GPRASP3: variants seen among roughly 807,000 people sequenced by gnomAD.
GPRASP3 encodes G protein-coupled receptor associated sorting protein 3.
the GPRASP3 span, among the ~76,000 whole-genome samples, chrX:102,744,807 A>G: frequency 9.0e-6 from 1 of 111,278 alleles, no homozygotes; most frequent in Non-Finnish European, 1.9e-5. Flanking sequence ...TTGATCTGCA[A>G]ACCACAGAGG....
At chrX:102,728,655 G>A in the GPRASP3 span, among the ~76,000 whole-genome samples, 2 of 100,221 alleles carry the variant, frequency 2.0e-5, no homozygotes, top group Non-Finnish European at 4.0e-5. Context: ...GGACTTAAGC[G>A]ATCCTCCCAC....
the GPRASP3 span, among the ~76,000 whole-genome samples, chrX:102,731,790 G>A: frequency 9.0e-6 from 1 of 111,306 alleles, no homozygotes; most frequent in African/African-American, 3.3e-5. Flanking sequence ...TGGGCTGCCC[G>A]CATGCAAGGT....
the GPRASP3 span, among the ~76,000 whole-genome samples, chrX:102,727,312 C>A: frequency 8.9e-6 from 1 of 112,109 alleles, no homozygotes; most frequent in Non-Finnish European, 1.9e-5. Context: ...AGGTAAGCAA[C>A]TTCCTGAGGA....
At chrX:102,738,175 C>G in the GPRASP3 span, among the ~76,000 whole-genome samples, 3 of 111,980 alleles carry the variant, frequency 2.7e-5, no homozygotes, top group Non-Finnish European at 5.6e-5. Context: ...GGAATGCATC[C>G]AAGGGGCAAG....
chrX:102,749,095 G>A, the GPRASP3 span: 1 of 1,212,151 alleles, frequency 8.2e-7, no homozygotes, highest in East Asian at 3.0e-5. Flanking sequence ...TACTGGTGTT[G>A]TTAGGCCTGT....
At chrX:102,751,659 C>T in the GPRASP3 span, 1 of 123,133 alleles carries the variant, frequency 8.1e-6, no homozygotes, top group Non-Finnish European at 1.9e-5. Flanking sequence ...TTAACTTCCT[C>T]CAAATTCGTG....
At chrX:102,751,728 T>C in the GPRASP3 span, 1 of 123,198 alleles carries the variant, frequency 8.1e-6, no homozygotes, top group Non-Finnish European at 1.9e-5. Flanking sequence ...CTGAGGTAAA[T>C]AGATGGATTT....
At chrX:102,746,773 A>C in the GPRASP3 span, among the ~76,000 whole-genome samples, 1 of 113,083 alleles carries the variant, frequency 8.8e-6, no homozygotes, top group Non-Finnish European at 1.9e-5. Flanking sequence ...TGAAGACACT[A>C]AAATGAAATG....
chrX:102,724,014 G>A, the GPRASP3 span, among the ~76,000 whole-genome samples: 1 of 111,713 alleles, frequency 9.0e-6, no homozygotes, highest in Non-Finnish European at 1.9e-5. Flanking sequence ...CTTGTCCTGT[G>A]TATATCCTTA....
At chrX:102,746,564 G>A in the GPRASP3 span, among the ~76,000 whole-genome samples, 31 of 112,504 alleles carry the variant, frequency 2.8e-4, no homozygotes, top group African/African-American at 8.7e-4. Flanking sequence ...GGGGGGAGCC[G>A]GCGTCCCAGC....
At chrX:102,728,046 A>C in the GPRASP3 span, among the ~76,000 whole-genome samples, 1 of 111,602 alleles carries the variant, frequency 9.0e-6, no homozygotes, top group Non-Finnish European at 1.9e-5. Flanking sequence ...ACTCTAGTCT[A>C]AGCAAGCACT....
chrX:102,744,530 C>G, the GPRASP3 span, among the ~76,000 whole-genome samples: 1 of 111,948 alleles, frequency 8.9e-6, no homozygotes, highest in Non-Finnish European at 1.9e-5. Context: ...TGACTAGTAT[C>G]TCCTAAGTCA....
the GPRASP3 span, chrX:102,749,083 G>T: frequency 8.3e-7 from 1 of 1,212,111 alleles, no homozygotes; most frequent in Non-Finnish European, 1.1e-6. Context: ...AGAGAGGGAG[G>T]CTACTGGTGT....
chrX:102,725,985 AGTCT>A, the GPRASP3 span, among the ~76,000 whole-genome samples: 2 of 112,512 alleles, frequency 1.8e-5, no homozygotes, highest in African/African-American at 6.5e-5. Flanking sequence ...TTCAAACCCC[AGTCT>A]GTCTGACTGC....
chrX:102,725,866 T>C, the GPRASP3 span, among the ~76,000 whole-genome samples: 1 of 111,845 alleles, frequency 8.9e-6, no homozygotes, highest in East Asian at 2.8e-4. Context: ...CTTTATACCA[T>C]GCATCAGAGT....
chrX:102,730,616 A>G, the GPRASP3 span, among the ~76,000 whole-genome samples: 1 of 112,056 alleles, frequency 8.9e-6, no homozygotes, highest in Non-Finnish European at 1.9e-5. Flanking sequence ...GGGCTTCAAT[A>G]TTTAAATGGA....
the GPRASP3 span, chrX:102,751,701 G>C: frequency 1.6e-5 from 2 of 123,379 alleles, no homozygotes; most frequent in Non-Finnish European, 3.7e-5. Flanking sequence ...CATCTGGCTG[G>C]AGGTCAGGAG....
At chrX:102,730,849 C>T in the GPRASP3 span, among the ~76,000 whole-genome samples, 4 of 111,591 alleles carry the variant, frequency 3.6e-5, no homozygotes, top group African/African-American at 1.3e-4. Context: ...TATTTTATTG[C>T]ATGACTCAGC....
chrX:102,737,574 T>TGGTAGGA, the GPRASP3 span, among the ~76,000 whole-genome samples: 1 of 111,841 alleles, frequency 8.9e-6, no homozygotes, highest in African/African-American at 3.3e-5. Context: ...CCTACCAGTC[T>TGGTAGGA]ACCAGCATGC....
Sources: gnomAD v4.1 joint callset for allele counts (sites outside exome capture counted in the v4.1 genomes callset) on GRCh38, gnomAD v4.1.1 for gene constraint, MANE v1.5 for transcripts, NCBI Gene and HGNC (gene_info 2026-07-23, HGNC 2026-07-21) for gene names.